The following AFAP1L2 variants were observed in gnomAD, a reference collection of about 807,000 sequenced individuals.
AFAP1L2 encodes the protein actin filament-associated protein 1-like 2.
AFAP1L2 carries 46 observed loss-of-function variants against 99.3 expected under a neutral mutation model. The ratio of observed to expected loss-of-function variants is 0.46; its 90% confidence interval spans 0.37 to 0.59. The LOEUF (loss-of-function observed/expected upper bound fraction) is 0.59. Ranked by LOEUF, AFAP1L2 falls within the 20% of genes least tolerant of loss-of-function variation. The pLI is 0.00. For missense variants in AFAP1L2, 959 were observed against 1,034.9 expected (o/e 0.93, Z 1.01); for synonymous variants, 397 against 419.1 (o/e 0.95, Z 0.64).
At chr10:114,392,935 C>T (rs1418601636) in intron 1 of AFAP1L2, among the ~76,000 whole-genome samples, 1 of 152,212 alleles carries the variant, frequency 6.6e-6, no homozygotes, top group Non-Finnish European at 1.5e-5. Flanking sequence ...ACAAGTCTTA[C>T]ACTTGAGGAC....
At chr10:114,350,429 C>A (rs1257496407) in intron 1 of AFAP1L2, among the ~76,000 whole-genome samples, 2 of 152,324 alleles carry the variant, frequency 1.3e-5, no homozygotes, top group Admixed American at 6.5e-5. Context: ...ATTTCCTCCC[C>A]CTCTGTGCCT....
intron 1 of AFAP1L2, among the ~76,000 whole-genome samples, chr10:114,350,339 G>A (rs1284498292): frequency 6.6e-6 from 1 of 152,200 alleles, no homozygotes; most frequent in Non-Finnish European, 1.5e-5. Flanking sequence ...ATTGTTCTCT[G>A]TTGTCCCATG....
At chr10:114,387,901 C>T (rs1031556378) in intron 1 of AFAP1L2, among the ~76,000 whole-genome samples, 4 of 152,076 alleles carry the variant, frequency 2.6e-5, no homozygotes, top group African/African-American at 4.8e-5. Context: ...GGGAAGGACA[C>T]GGGACCACAA....
intron 2 of AFAP1L2, 131 bp downstream of exon 2, chr10:114,340,472 T>G: frequency 7.8e-7 from 1 of 1,285,552 alleles, no homozygotes; most frequent in Non-Finnish European, 1.1e-6. Flanking sequence ...ACTTCTGGCC[T>G]CCAGAAGTGT....
At chr10:114,378,193 T>A (rs1293965363) in intron 1 of AFAP1L2, among the ~76,000 whole-genome samples, 1 of 152,246 alleles carries the variant, frequency 6.6e-6, no homozygotes, top group Admixed American at 6.5e-5. Flanking sequence ...TACAATTCTT[T>A]TCCGCTTCAA....
chr10:114,280,935 C>G, the AFAP1L2 span: 3 of 152,014 alleles, frequency 2.0e-5, no homozygotes, highest in African/African-American at 4.8e-5. Context: ...TAGATGGGGT[C>G]TCACTATGTT....
At chr10:114,404,522 C>T (rs1292953852), upstream of AFAP1L2, 6 of 1,498,192 alleles carry the variant, frequency 4.0e-6, no homozygotes, top group Non-Finnish European at 2.7e-6. Context: ...CGGCTCAGCG[C>T]CCAGGCCGCC....
chr10:114,286,138 G>A, the AFAP1L2 span: 3 of 1,614,126 alleles, frequency 1.9e-6, no homozygotes, highest in Non-Finnish European at 2.5e-6. Flanking sequence ...CTGTGGGGGA[G>A]TACCAGGATG....
intron 1 of AFAP1L2, among the ~76,000 whole-genome samples, chr10:114,361,282 T>A (rs1224569066): frequency 2.0e-5 from 3 of 152,104 alleles, no homozygotes; most frequent in African/African-American, 7.2e-5. Flanking sequence ...TATATTCTCT[T>A]CTGGTGGAAT....
the AFAP1L2 span, among the ~76,000 whole-genome samples, chr10:114,282,150 C>T: frequency 6.6e-6 from 1 of 152,074 alleles, no homozygotes; most frequent in East Asian, 1.9e-4. Flanking sequence ...ATTACAGGCA[C>T]ATGCCACCAC....
chr10:114,363,694 C>T (rs1014846517), intron 1 of AFAP1L2, among the ~76,000 whole-genome samples: 6 of 152,188 alleles, frequency 3.9e-5, no homozygotes, highest in African/African-American at 1.4e-4. Context: ...TCACCCACCA[C>T]CTCTGGGAGG....
chr10:114,346,086 C>T (rs1471013409), intron 1 of AFAP1L2, among the ~76,000 whole-genome samples: 1 of 152,178 alleles, frequency 6.6e-6, no homozygotes, highest in Non-Finnish European at 1.5e-5. Context: ...CGAGACCCTC[C>T]TTCTCTTCTA....
At chr10:114,332,763 T>C (rs1421308658) in intron 3 of AFAP1L2, among the ~76,000 whole-genome samples, 1 of 152,222 alleles carries the variant, frequency 6.6e-6, no homozygotes, top group Admixed American at 6.5e-5. Flanking sequence ...GTCCTTCCCA[T>C]GGGAGACTAA....
intron 7 of AFAP1L2, 39 bp downstream of exon 7, chr10:114,313,832 C>T: frequency 1.3e-6 from 2 of 1,550,818 alleles, no homozygotes; most frequent in Non-Finnish European, 1.7e-6. Flanking sequence ...GGGGCCACAA[C>T]TCTAGGAACC....
intron 1 of AFAP1L2, among the ~76,000 whole-genome samples, chr10:114,343,684 G>T (rs1263278472): frequency 6.6e-6 from 1 of 152,170 alleles, no homozygotes; most frequent in Non-Finnish European, 1.5e-5. Flanking sequence ...GCATCGGCGG[G>T]ATCAGTTACT....
chr10:114,379,673 G>A (rs2055335333), intron 1 of AFAP1L2, among the ~76,000 whole-genome samples: 1 of 152,174 alleles, frequency 6.6e-6, no homozygotes, highest in Admixed American at 6.5e-5. Flanking sequence ...AAATCCTTTT[G>A]AGGTTTTATG....
chr10:114,337,015 C>T (rs1302531048), intron 2 of AFAP1L2, among the ~76,000 whole-genome samples: 1 of 152,232 alleles, frequency 6.6e-6, no homozygotes, highest in Non-Finnish European at 1.5e-5. Context: ...GAGATGATCA[C>T]CTCGCCTCCA....
intron 1 of AFAP1L2, among the ~76,000 whole-genome samples, chr10:114,342,005 C>T (rs1411709108): frequency 3.3e-5 from 5 of 152,214 alleles, no homozygotes; most frequent in South Asian, 4.1e-4. Context: ...ACTTGGAAGA[C>T]GGCTACGTGG....
intron 4 of AFAP1L2, among the ~76,000 whole-genome samples, chr10:114,327,385 C>T (rs2046537405): frequency 6.6e-6 from 1 of 151,344 alleles, no homozygotes; most frequent in African/African-American, 2.4e-5. Flanking sequence ...AACTCCTGAC[C>T]TCAGGTGATC....
Sources: allele counts gnomAD v4.1 joint callset (sites outside exome capture counted in the v4.1 genomes callset), GRCh38; gene constraint gnomAD v4.1.1; transcripts MANE v1.5; gene names NCBI Gene and HGNC (gene_info 2026-07-23, HGNC 2026-07-21).